The following FAM210A variants were observed in gnomAD, a reference collection of about 807,000 sequenced individuals.
FAM210A encodes family with sequence similarity 210 member A.
A neutral mutation model predicts 25.3 loss-of-function variants in FAM210A; 13 were observed. The observed-to-expected ratio is 0.51, with a 90% CI of 0.33 to 0.82. The LOEUF (loss-of-function observed/expected upper bound fraction) is 0.82. Among genes scored for constraint, FAM210A ranks in the 40% least tolerant of loss-of-function variants. The probability of loss-of-function intolerance (pLI) is 0.02; values close to 1 mark genes in which losing one functional copy is unlikely to be tolerated. For synonymous variants in FAM210A, 125 were observed against 118.7 expected, an observed-to-expected ratio of 1.05 and a Z score of -0.35; for missense variants, 319 against 323.2, an observed-to-expected ratio of 0.99 and a Z score of 0.10.
chr18:13,716,748 C>G (rs191049516), intron 1 of FAM210A, among the ~76,000 whole-genome samples: 1 of 152,170 alleles, frequency 6.6e-6, no homozygotes, highest in Non-Finnish European at 1.5e-5. Flanking sequence ...CTCTCCCTGC[C>G]TCCTGTTGCT....
intron 1 of FAM210A, among the ~76,000 whole-genome samples, chr18:13,691,246 T>G (rs1417364004): frequency 6.6e-6 from 1 of 152,112 alleles, no homozygotes; most frequent in Non-Finnish European, 1.5e-5. Flanking sequence ...CCAAGAAATA[T>G]GGAACTATGT....
intron 1 of FAM210A, among the ~76,000 whole-genome samples, chr18:13,724,495 G>A (rs1477435986): frequency 2.0e-5 from 3 of 152,164 alleles, no homozygotes; most frequent in Non-Finnish European, 4.4e-5. Context: ...AAAGGTACTC[G>A]AGTATTAGCT....
At chr18:13,721,329 C>A (rs1294452252) in intron 1 of FAM210A, among the ~76,000 whole-genome samples, 1 of 152,140 alleles carries the variant, frequency 6.6e-6, no homozygotes, top group Non-Finnish European at 1.5e-5. Flanking sequence ...GATAGGTTCT[C>A]AAGTAATGAA....
chr18:13,721,497 C>A (rs891309616), intron 1 of FAM210A, among the ~76,000 whole-genome samples: 3 of 152,176 alleles, frequency 2.0e-5, no homozygotes, highest in Non-Finnish European at 4.4e-5. Context: ...CTTAAGTGCA[C>A]TCATCTCTGC....
chr18:13,703,702 G>T (rs995103404), intron 1 of FAM210A, among the ~76,000 whole-genome samples: 1 of 152,166 alleles, frequency 6.6e-6, no homozygotes, highest in Non-Finnish European at 1.5e-5. Flanking sequence ...TATATGTGTT[G>T]TGTGTATAGC....
At chr18:13,682,495 G>C (rs1165777535) in intron 1 of FAM210A, among the ~76,000 whole-genome samples, 1 of 152,162 alleles carries the variant, frequency 6.6e-6, no homozygotes, top group Admixed American at 6.5e-5. Flanking sequence ...TTAAACCCGG[G>C]AAGCGGAGGG....
At chr18:13,725,447 C>T (rs145248947) in intron 1 of FAM210A, among the ~76,000 whole-genome samples, 7 of 152,346 alleles carry the variant, frequency 4.6e-5, no homozygotes, top group African/African-American at 1.7e-4. Flanking sequence ...GCTGCAAATG[C>T]TGCCTTCCCC....
At chr18:13,724,746 A>T (rs915120773) in intron 1 of FAM210A, among the ~76,000 whole-genome samples, 1 of 152,220 alleles carries the variant, frequency 6.6e-6, no homozygotes, top group Admixed American at 6.5e-5. Flanking sequence ...ACACATAGTT[A>T]AGAGGCTTTT....
At chr18:13,700,106 C>T (rs193078082) in intron 1 of FAM210A, among the ~76,000 whole-genome samples, 73 of 152,276 alleles carry the variant, frequency 4.8e-4, no homozygotes, top group African/African-American at 1.5e-3. Context: ...GAGTCAGAAT[C>T]CACAGATCAA....
Position 13,666,513 on chromosome 18 carries a change from T to G in FAM210A, c.786A>C (p.Lys262Asn), listed in dbSNP as rs1280101929. The change falls in exon 4 of 4, where the codon AAA (lysine) becomes AAC (asparagine). Residue 262 changes from lysine to asparagine, a missense_variant. Lys to Asn is a moderately conservative substitution (Grantham distance 94). Transcript: ENST00000651643. ...CTTTTTTCTTAAAGGAAACTTTTTC[T>G]TTGGTTTCTTGTAACTTTTCAGTGA... ...DRLTEKLQET[K>N]EKVSFKKKVE is the part of the protein sequence containing the mutation. 3.7e-6 allele frequency: 6 copies of G among 1,613,978 alleles called. No homozygotes were observed. The highest frequency in any genetic ancestry group is 5.1e-6 in the Non-Finnish European group (6 of 1,179,990).
Position 13,665,409 on chromosome 18 carries a change from C to CAAAAAAAAAAAAAAAAAAAA in FAM210A, c.*1070_*1071insTTTTTTTTTTTTTTTTTTTT, listed in dbSNP as rs1555788360. On this transcript the variant is annotated 3_prime_UTR_variant, in exon 4 of 4. Transcript: ENST00000651643. The stretch of plus-strand genomic sequence containing the variant: ...AAAAAAAAAAAAAAAAAAAAAAAAT[C>CAAAAAAAAAAAAAAAAAAAA]AAGTAGAATGCTCAAACAAGGATAT... The CAAAAAAAAAAAAAAAAAAAA allele has an allele frequency of 6.7e-5, 6 of 89,648 alleles. No homozygotes were observed. Among genetic ancestry groups the CAAAAAAAAAAAAAAAAAAAA allele is most frequent in the African/African-American group, 1.5e-4 (4 of 27,102 alleles). 5.6% of individuals were successfully genotyped at this position (89,648 alleles called of 1,614,324 possible).
intron 1 of FAM210A, among the ~76,000 whole-genome samples, chr18:13,692,593 A>G (rs112913990): frequency 1.5e-4 from 23 of 152,256 alleles, no homozygotes; most frequent in African/African-American, 5.5e-4. Flanking sequence ...ACTCAGGATT[A>G]AGAAACTCAC....
intron 1 of FAM210A, among the ~76,000 whole-genome samples, chr18:13,708,680 T>G (rs1200310860): frequency 6.6e-6 from 1 of 152,220 alleles, no homozygotes; most frequent in Non-Finnish European, 1.5e-5. Flanking sequence ...GCAATTCATT[T>G]CACTGGTCAT....
At chr18:13,673,040 C>T (rs1049171126) in intron 2 of FAM210A, among the ~76,000 whole-genome samples, 1 of 152,108 alleles carries the variant, frequency 6.6e-6, no homozygotes, top group Non-Finnish European at 1.5e-5. Context: ...CATTCCTGAG[C>T]CCTGGCTTAT....
intron 1 of FAM210A, among the ~76,000 whole-genome samples, chr18:13,691,747 AG>A (rs1158671168): frequency 6.9e-6 from 1 of 145,750 alleles, no homozygotes; most frequent in Non-Finnish European, 1.5e-5. Flanking sequence ...GAGCTCCTGA[AG>A]GAGGCACTAA....
chr18:13,688,449 G>A (rs1402363615), intron 1 of FAM210A, among the ~76,000 whole-genome samples: 1 of 64,404 alleles, frequency 1.6e-5, no homozygotes, highest in Non-Finnish European at 3.4e-5. Context: ...ATGGCTGCAT[G>A]AGGCAGAGAG....
chr18:13,676,875 A>C (rs2043508257), intron 2 of FAM210A, among the ~76,000 whole-genome samples: 1 of 152,164 alleles, frequency 6.6e-6, no homozygotes, highest in Non-Finnish European at 1.5e-5. Context: ...CAGAATGGAC[A>C]CTGTCCACCT....
chr18:13,707,809 T>A lies in FAM210A; in HGVS notation c.-29+18520A>T, dbSNP rs2043790559. Among the ~76,000 whole-genome samples, 4 of 152,310 alleles carry A rather than the reference T, an allele frequency of 2.6e-5. No homozygotes were observed. The South Asian group carries it at 8.3e-4, about 32-fold the overall frequency. On this transcript the variant is annotated intron_variant, in intron 1 of 3. Transcript: ENST00000651643. ...CTTCAACCACTCATAGACTGCTAAG[T>A]GCTCAGTGTTCAAATAAGGCAAACG...
chr18:13,710,875 T>A (rs545419531), intron 1 of FAM210A, among the ~76,000 whole-genome samples: 1 of 152,340 alleles, frequency 6.6e-6, no homozygotes, highest in African/African-American at 2.4e-5. Flanking sequence ...ATGGCCAGCA[T>A]GACATTAATA....
Sources: gnomAD v4.1 joint callset for allele counts (sites outside exome capture counted in the v4.1 genomes callset) on GRCh38, gnomAD v4.1.1 for gene constraint, MANE v1.5 for transcripts, NCBI Gene and HGNC (gene_info 2026-07-23, HGNC 2026-07-21) for gene names.